Variants in CAMKV observed in about 807,000 individuals in gnomAD.
CAMKV encodes the protein CaM kinase like vesicle associated.
Under a neutral mutation model 50.2 loss-of-function variants are expected in CAMKV, and 5 were observed. That is an observed-to-expected ratio of 0.10 (90% CI 0.05 to 0.21). The LOEUF is 0.21. Ranked by LOEUF, CAMKV falls within the 10% of genes least tolerant of loss-of-function variation. CAMKV has a pLI of 1.00. For missense variants in CAMKV, 361 were observed against 650.5 expected (o/e 0.55, Z 4.84); for synonymous variants, 229 against 250.1 (o/e 0.92, Z 0.80).
In CAMKV at chr3:49,862,259, C is replaced by A; in HGVS notation, c.95+35G>T. The A allele has an allele frequency of 3.1e-6, 5 of 1,614,134 alleles. No individual in the cohort carries two copies. Among genetic ancestry groups the A allele is most frequent in the Non-Finnish European group, 3.4e-6 (4 of 1,179,972 alleles). On this transcript the variant is annotated intron_variant, in intron 2 of 10. Transcript: ENST00000477224. The surrounding 1 kb of genome is among the most constrained non-coding windows in gnomAD (Gnocchi z 5.2). ...CACTTCCCTAGCCCCTGCTCACCAG[C>A]CCACCCAGCCTTGCCTGACAGGCCC...
At chr3:49,865,915 A>G (rs1159732505) in intron 1 of CAMKV, among the ~76,000 whole-genome samples, 1 of 152,148 alleles carries the variant, frequency 6.6e-6, no homozygotes, top group African/African-American at 2.4e-5. Flanking sequence ...TCGGCTCTGC[A>G]TATGCATTCG....
Position 49,859,216 on chromosome 3 carries a change from A to G in CAMKV, c.*102T>C. On this transcript the variant is annotated 3_prime_UTR_variant, in exon 11 of 11. Coordinates refer to ENST00000477224, the MANE Select transcript of CAMKV (RefSeq NM_024046.5). The surrounding 1 kb of genome is among the most constrained non-coding windows in gnomAD (Gnocchi z 5.5). Reference sequence around the variant, plus strand: ...CCACTGGGATGTGGGGGCATGGGGGAGCGAGGGCATCATGCCAGTGACTCT... The same window carrying G: ...CCACTGGGATGTGGGGGCATGGGGGGGCGAGGGCATCATGCCAGTGACTCT... 9.3e-7 allele frequency: 1 copy of G among 1,076,076 alleles called. No individual in the cohort carries two copies. Among genetic ancestry groups the G allele is most frequent in the Non-Finnish European group, 1.3e-6 (1 of 753,136 alleles). The allele number at this position is 1,076,076 out of a possible 1,614,324, so 66.7% of individuals were successfully genotyped here.
At chr3:49,864,641 G>A (rs2082050043) in intron 1 of CAMKV, among the ~76,000 whole-genome samples, 1 of 152,194 alleles carries the variant, frequency 6.6e-6, no homozygotes, top group Non-Finnish European at 1.5e-5. Context: ...TACCCGGTCA[G>A]TGTGACACTG....
chr3:49,865,111 A>G (rs9821675), intron 1 of CAMKV, among the ~76,000 whole-genome samples: 74,974 of 152,132 alleles, frequency 0.49, 19,740 homozygotes, highest in African/African-American at 0.65. Flanking sequence ...GGTTTAAGCC[A>G]TCTTGCGAGG....
Position 49,861,465 on chromosome 3 carries a change from G to C in CAMKV, c.415C>G (p.Leu139Val). Residue 139 changes from leucine (L) to valine (V), a missense_variant, in exon 5 of 11, where the codon CTC becomes GTC. Physicochemically the swap from Leu to Val is conservative, Grantham distance 32 (BLOSUM62 1). Transcript: ENST00000477224. This position sits in a 1 kb window ranked among gnomAD's most constrained non-coding sequence, Gnocchi z 7.7. Reference protein sequence around the residue: ...VLEAVAYLHSLKIVHRNLKLE... With the variant: ...VLEAVAYLHSVKIVHRNLKLE... ...TTGAGATTCCTGTGCACGATCTTGA[G>C]TGAGTGCAAATAGGCCACGGCCTCC... 2 of 1,614,174 alleles carry C rather than the reference G, an allele frequency of 1.2e-6. No individual in the cohort carries two copies. The highest frequency in any genetic ancestry group is 1.7e-6 in the Non-Finnish European group (2 of 1,180,040).
chr3:49,861,414 C>T lies in CAMKV; in HGVS notation c.441+25G>A, dbSNP rs199746685. ...AGCACCAGCCCAGCTGCCAACTGGC[C>T]CTTTGACTCTGGCTCTGCCCTCACC... is the stretch of plus-strand genomic sequence containing the variant. On this transcript the variant is annotated intron_variant, in intron 5 of 10. Coordinates refer to ENST00000477224, the MANE Select transcript of CAMKV (RefSeq NM_024046.5). The surrounding 1 kb of genome is among the most constrained non-coding windows in gnomAD (Gnocchi z 7.7). 6.8e-6 allele frequency: 11 copies of T among 1,613,908 alleles called. No individual in the cohort carries two copies. The Admixed American group carries it at 1.7e-4, about 24-fold the overall frequency.
At chr3:49,865,966 A>G (rs921116020) in intron 1 of CAMKV, among the ~76,000 whole-genome samples, 2 of 152,178 alleles carry the variant, frequency 1.3e-5, no homozygotes, top group Non-Finnish European at 2.9e-5. Context: ...GGTCTGTCCC[A>G]TGAAAGGCAC....
chr3:49,859,448 G>A lies in CAMKV; in HGVS notation c.1376C>T (p.Thr459Ile). 1 of 1,613,828 alleles carries A rather than the reference G, an allele frequency of 6.2e-7. No individual in the cohort carries two copies. The highest frequency in any genetic ancestry group is 8.5e-7 in the Non-Finnish European group (1 of 1,179,738). Residue 459 changes from threonine (T) to isoleucine (I), a missense_variant, in exon 11 of 11, where the codon ACC becomes ATC. This residue lies in a region of CAMKV where 75 missense variants were observed against 84.2 expected (regional missense o/e 0.89). Coordinates refer to ENST00000477224, the MANE Select transcript of CAMKV (RefSeq NM_024046.5). The surrounding 1 kb of genome is among the most constrained non-coding windows in gnomAD (Gnocchi z 5.5). ...SAMLATKAAA[T>I]PEPAMAQPDS... ...CGGCTGGGCCATAGCCGGCTCAGGGGTGGCAGCTGCCTTGGTGGCCAGCAT... is the reference window on the plus strand; with the variant it reads ...CGGCTGGGCCATAGCCGGCTCAGGGATGGCAGCTGCCTTGGTGGCCAGCAT...
At chr3:49,865,875 C>G (rs1575409448) in intron 1 of CAMKV, among the ~76,000 whole-genome samples, 2 of 152,338 alleles carry the variant, frequency 1.3e-5, no homozygotes, top group African/African-American at 4.8e-5. Context: ...AGGTTTTGTG[C>G]ATGCCTGTCC....
In CAMKV at chr3:49,869,181, A is replaced by C. The variant is rs1575411319; in HGVS notation, c.-15+577T>G. Among the ~76,000 whole-genome samples the C allele has an allele frequency of 6.7e-6, 1 of 150,108 alleles. No homozygotes were observed. The highest frequency in any genetic ancestry group is 2.5e-5 in the African/African-American group (1 of 40,642). On this transcript the variant is annotated intron_variant, in intron 1 of 10. Transcript: ENST00000477224. This position sits in a 1 kb window ranked among gnomAD's most constrained non-coding sequence, Gnocchi z 5.2. ...TCCCAGCAGGAACATGTGCGCCCCC[A>C]CCCCCACCGTGCACGTGGGTCCATG... is the stretch of plus-strand genomic sequence containing the variant.
Position 49,861,139 on chromosome 3 carries a change from C to T in CAMKV, c.562+41G>A, listed in dbSNP as rs201719926. ...GCCCAGAGCAGCTCCCTGAAGGCTGCCCCCCATTATCCCCCTGCCCCTGCC... is the reference window on the plus strand; with the variant it reads ...GCCCAGAGCAGCTCCCTGAAGGCTGTCCCCCATTATCCCCCTGCCCCTGCC... On this transcript the variant is annotated intron_variant, in intron 6 of 10. Transcript: ENST00000477224. The surrounding 1 kb of genome is among the most constrained non-coding windows in gnomAD (Gnocchi z 7.7). The T allele has an allele frequency of 1.9e-6, 3 of 1,583,534 alleles. No individual in the cohort carries two copies. The highest frequency in any genetic ancestry group is 4.6e-5 in the East Asian group (2 of 43,740).
chr3:49,860,675 T>C lies in CAMKV; in HGVS notation c.775+41A>G. The stretch of plus-strand genomic sequence containing the variant: ...GATGAGAGCAGGACACCCTCCCCAC[T>C]CCCTTGCGTTCTACCAAGTGCTGGG... On this transcript the variant is annotated intron_variant, in intron 8 of 10. Transcript: ENST00000477224. This position sits in a 1 kb window ranked among gnomAD's most constrained non-coding sequence, Gnocchi z 6.1. 6.2e-7 allele frequency: 1 copy of C among 1,612,916 alleles called. No individual in the cohort carries two copies. Among genetic ancestry groups the C allele is most frequent in the Non-Finnish European group, 8.5e-7 (1 of 1,179,152 alleles).
chr3:49,861,356 G>A lies in CAMKV; in HGVS notation c.442-56C>T. On this transcript the variant is annotated intron_variant, in intron 5 of 10. Transcript: ENST00000477224. This position sits in a 1 kb window ranked among gnomAD's most constrained non-coding sequence, Gnocchi z 7.7. ...AGAAGACACCATGAGGACCTTGGAG[G>A]CTAGACCAAGGCCCTGAGGTGCTGC... is the stretch of plus-strand genomic sequence containing the variant. 6.2e-7 allele frequency: 1 copy of A among 1,613,304 alleles called. No individual in the cohort carries two copies. The highest frequency in any genetic ancestry group is 8.5e-7 in the Non-Finnish European group (1 of 1,179,502).
At position 49,862,913 on chromosome 3, in the gene CAMKV, A is replaced by G. The variant is rs1211805737; in HGVS notation, c.-14-511T>C. Among the ~76,000 whole-genome samples the G allele has an allele frequency of 6.6e-6, 1 of 152,218 alleles. No individual in the cohort carries two copies. Among genetic ancestry groups the G allele is most frequent in the Non-Finnish European group, 1.5e-5 (1 of 68,040 alleles). On this transcript the variant is annotated intron_variant, in intron 1 of 10. Coordinates refer to ENST00000477224, the MANE Select transcript of CAMKV (RefSeq NM_024046.5). This position sits in a 1 kb window ranked among gnomAD's most constrained non-coding sequence, Gnocchi z 5.2. Reference sequence around the variant, plus strand: ...TATGAACCAGCAATTGCACTCCTAAATACGTGCCTACAGAAGTGCACATAT... The same window carrying G: ...TATGAACCAGCAATTGCACTCCTAAGTACGTGCCTACAGAAGTGCACATAT...
intron 1 of CAMKV, chr3:49,863,229 C>T (rs868456701): frequency 6.6e-6 from 1 of 152,208 alleles, no homozygotes. Context: ...AGCAGTAGAG[C>T]TATAAAGAAA....
rs1417347820 is a variant in CAMKV, at chr3:49,859,642, G to A, written c.1182C>T (p.Ala394=). Residue 394 remains alanine, a synonymous_variant, in exon 11 of 11, where the codon GCC becomes GCT. Transcript: ENST00000477224. This position sits in a 1 kb window ranked among gnomAD's most constrained non-coding sequence, Gnocchi z 5.5. ...TGACACTGCCATCAGTGGCTGGGGT[G>A]GCACTTCCATCTGTGGCTGGGGTGG... ...RSATPATDGS[A]TPATDGSVTP... 1.2e-6 allele frequency: 2 copies of A among 1,614,036 alleles called. No individual in the cohort carries two copies. Among genetic ancestry groups the A allele is most frequent in the East Asian group, 2.2e-5 (1 of 44,874 alleles).
chr3:49,862,523 A>G lies in CAMKV; in HGVS notation c.-14-121T>C, dbSNP rs1320313. Reference sequence around the variant, plus strand: ...AGCTAGGGGCAGAGACCATACCAGGAGGGGCTAGAGGATAGGCAGGCTTAG... The same window carrying G: ...AGCTAGGGGCAGAGACCATACCAGGGGGGGCTAGAGGATAGGCAGGCTTAG... On this transcript the variant is annotated intron_variant, in intron 1 of 10. Coordinates refer to ENST00000477224, the MANE Select transcript of CAMKV (RefSeq NM_024046.5). This position sits in a 1 kb window ranked among gnomAD's most constrained non-coding sequence, Gnocchi z 5.2. The G allele has an allele frequency of 0.013, 10,266 of 783,276 alleles. 590 individuals carry two copies. The African/African-American group carries it at 0.13, about 10-fold the overall frequency. 48.5% of individuals were successfully genotyped at this position (783,276 alleles called of 1,614,324 possible). A position where few individuals can be genotyped will look rare whatever the true frequency, so the allele number is the denominator to read the frequency against.
At position 49,859,813 on chromosome 3, in the gene CAMKV, G is replaced by T. The variant is rs747162277; in HGVS notation, c.1011C>A (p.Ala337=). ...RAPEQSSTAA[A]QSASATDTAT... ...CAGTGTCTGTGGCTGAGGCCGACTGGGCTGCAGCCGTGCTGGACTGCTCTG... is the reference window on the plus strand; with the variant it reads ...CAGTGTCTGTGGCTGAGGCCGACTGTGCTGCAGCCGTGCTGGACTGCTCTG... Residue 337 remains alanine, a synonymous_variant, in exon 11 of 11, where the codon GCC becomes GCA. Coordinates refer to ENST00000477224, the MANE Select transcript of CAMKV (RefSeq NM_024046.5). This position sits in a 1 kb window ranked among gnomAD's most constrained non-coding sequence, Gnocchi z 5.5. The T allele has an allele frequency of 6.5e-7, 1 of 1,544,944 alleles. No individual in the cohort carries two copies. The highest frequency in any genetic ancestry group is 2.2e-5 in the East Asian group (1 of 44,452).
chr3:49,861,015 G>T lies in CAMKV; in HGVS notation c.566C>A (p.Pro189Gln), dbSNP rs1297165732. 1 of 1,614,054 alleles carries T rather than the reference G, an allele frequency of 6.2e-7. No individual in the cohort carries two copies. The highest frequency in any genetic ancestry group is 8.5e-7 in the Non-Finnish European group (1 of 1,180,018). ...EPCGTPEYLA[P>Q]EVVGRQRYGR... is the part of the protein sequence containing the mutation. ...ATACCGCTGCCGGCCTACCACCTCT[G>T]GGGCTACAAACACAGCGCCCATCTG... Residue 189 changes from proline to glutamine, a missense_variant, in exon 7 of 11, where the codon CCA becomes CAA. Transcript: ENST00000477224. This position sits in a 1 kb window ranked among gnomAD's most constrained non-coding sequence, Gnocchi z 7.7.
Sources: allele counts gnomAD v4.1 joint callset (sites outside exome capture counted in the v4.1 genomes callset), GRCh38; gene constraint gnomAD v4.1.1; regional missense constraint gnomAD v4.1.1; non-coding constraint Gnocchi (gnomAD v3.1); transcripts MANE v1.5; gene names NCBI Gene and HGNC (gene_info 2026-07-23, HGNC 2026-07-21).